The following HS6ST2 variants were observed in gnomAD, a reference collection of about 807,000 sequenced individuals.
The protein encoded by HS6ST2 is heparan-sulfate 6-O-sulfotransferase 2.
Under a neutral mutation model 33.0 loss-of-function variants are expected in HS6ST2, and 17 were observed. The ratio of observed to expected loss-of-function variants is 0.52; its 90% CI spans 0.35 to 0.77. The LOEUF is 0.77. Ranked by LOEUF, HS6ST2 falls within the 30% of genes least tolerant of loss-of-function variation. The pLI is 0.01. For synonymous variants in HS6ST2, 248 were observed against 237.1 expected (o/e 1.05, Z -0.42); for missense variants, 519 against 551.7 (o/e 0.94, Z 0.59).
intron 4 of HS6ST2, among the ~76,000 whole-genome samples, chrX:132,643,456 G>C (rs1422911790): frequency 8.9e-5 from 10 of 112,039 alleles, no homozygotes; most frequent in Non-Finnish European, 5.6e-5. Flanking sequence ...GAACCAATGA[G>C]AGCCACTCAC....
chrX:132,754,077 C>T (rs1452907996), intron 2 of HS6ST2, among the ~76,000 whole-genome samples: 2 of 111,601 alleles, frequency 1.8e-5, no homozygotes, highest in Non-Finnish European at 3.8e-5. Flanking sequence ...CACATTACAT[C>T]TAGTTGTCAC....
chrX:132,731,018 A>G (rs984070368), intron 2 of HS6ST2, among the ~76,000 whole-genome samples: 1 of 111,771 alleles, frequency 8.9e-6, no homozygotes, highest in African/African-American at 3.3e-5. Context: ...GTGGGTACCA[A>G]TGAAAACCCA....
At chrX:132,827,470 T>C (rs1386165213) in intron 2 of HS6ST2, among the ~76,000 whole-genome samples, 1 of 109,210 alleles carries the variant, frequency 9.2e-6, no homozygotes. Context: ...AGGAGGAGGA[T>C]GTGTGTCCTG....
chrX:132,819,990 G>A (rs1023077104), intron 2 of HS6ST2, among the ~76,000 whole-genome samples: 4 of 112,316 alleles, frequency 3.6e-5, no homozygotes, highest in Non-Finnish European at 7.5e-5. Flanking sequence ...CCCACTTCAC[G>A]GGGGTGGGGG....
rs138573682 is a variant in HS6ST2, at chrX:132,821,714, G to A, written c.948-113220C>T. Among the ~76,000 whole-genome samples the A allele has an allele frequency of 3.9e-3, 438 of 111,735 alleles. 3 individuals carry two copies. Among genetic ancestry groups the A allele is most frequent in the African/African-American group, 0.013 (408 of 30,772 alleles). On this transcript the variant is annotated intron_variant, in intron 2 of 4. Coordinates refer to ENST00000370833, the MANE Select transcript of HS6ST2 (RefSeq NM_001394073.1). ...GTACTCAAAAAGCATTTGCTGGCAC[G>A]GCATGGTGGTTCACGCCTATAATTC...
chrX:132,814,811 T>G (rs1208321645), intron 2 of HS6ST2, among the ~76,000 whole-genome samples: 1 of 112,273 alleles, frequency 8.9e-6, no homozygotes, highest in Non-Finnish European at 1.9e-5. Context: ...CATACAACAC[T>G]TAGCCTTTCC....
chrX:132,931,391 C>T (rs1341489123), intron 2 of HS6ST2, among the ~76,000 whole-genome samples: 1 of 111,896 alleles, frequency 8.9e-6, no homozygotes, highest in Admixed American at 9.5e-5. Context: ...TCAACAATGT[C>T]TCCAGTTATA....
At chrX:132,856,757 A>G (rs1039105843) in intron 2 of HS6ST2, among the ~76,000 whole-genome samples, 2 of 112,189 alleles carry the variant, frequency 1.8e-5, no homozygotes, top group Admixed American at 9.5e-5. Flanking sequence ...AAGAAAAACA[A>G]CATCCCCAAA....
intron 4 of HS6ST2, among the ~76,000 whole-genome samples, chrX:132,633,464 A>G (rs1333392750): frequency 9.0e-6 from 1 of 111,319 alleles, no homozygotes; most frequent in African/African-American, 3.3e-5. Flanking sequence ...GGAGGAGCAG[A>G]CTAGAGAAAT....
chrX:132,632,934 G>A (rs2063527811), intron 4 of HS6ST2, among the ~76,000 whole-genome samples: 1 of 109,142 alleles, frequency 9.2e-6, no homozygotes, highest in Non-Finnish European at 1.9e-5. Context: ...AAAATTAGTG[G>A]GCGTGGTGGT....
chrX:132,899,790 A>G (rs2066411296), intron 2 of HS6ST2, among the ~76,000 whole-genome samples: 1 of 112,021 alleles, frequency 8.9e-6, no homozygotes, highest in Admixed American at 9.5e-5. Flanking sequence ...AAACCACACC[A>G]TAGCAAATCA....
intron 2 of HS6ST2, among the ~76,000 whole-genome samples, chrX:132,742,763 G>A (rs2064592732): frequency 8.9e-6 from 1 of 112,380 alleles, no homozygotes; most frequent in Non-Finnish European, 1.9e-5. Context: ...GTGTCACTAC[G>A]TAATTTCCCT....
intron 2 of HS6ST2, among the ~76,000 whole-genome samples, chrX:132,742,701 G>C (rs1006766037): frequency 8.9e-6 from 1 of 112,421 alleles, no homozygotes; most frequent in Non-Finnish European, 1.9e-5. Context: ...ACCGATTTAA[G>C]GAAACAATTA....
chrX:132,708,418 A>T (rs1283380931), intron 3 of HS6ST2, 44 bp downstream of exon 3: 1 of 1,016,135 alleles, frequency 9.8e-7, no homozygotes, highest in Non-Finnish European at 1.3e-6. Context: ...TCTTTTTTCT[A>T]GCTTACTTGG....
intron 2 of HS6ST2, among the ~76,000 whole-genome samples, chrX:132,845,304 C>T (rs890821990): frequency 3.7e-5 from 4 of 109,490 alleles, no homozygotes; most frequent in African/African-American, 1.3e-4. Context: ...ATGTGTGTTG[C>T]ATGTGTGTAT....
chrX:132,753,921 C>T (rs1403025248), intron 2 of HS6ST2, among the ~76,000 whole-genome samples: 1 of 112,376 alleles, frequency 8.9e-6, no homozygotes, highest in African/African-American at 3.2e-5. Context: ...TTCCCATAAG[C>T]CCCACACCCA....
chrX:132,849,800 A>G (rs2065785222), intron 2 of HS6ST2, among the ~76,000 whole-genome samples: 1 of 112,442 alleles, frequency 8.9e-6, no homozygotes, highest in South Asian at 3.7e-4. Context: ...GCTAGAAGAT[A>G]GCAGTGTTAA....
intron 2 of HS6ST2, among the ~76,000 whole-genome samples, chrX:132,741,437 A>T: frequency 2.1e-5 from 1 of 46,815 alleles, no homozygotes; most frequent in South Asian, 8.5e-4. Flanking sequence ...GCACGCCACC[A>T]TGCCTGGCTA....
intron 2 of HS6ST2, among the ~76,000 whole-genome samples, chrX:132,820,191 C>G (rs1163831824): frequency 2.2e-5 from 2 of 90,625 alleles, no homozygotes; most frequent in Non-Finnish European, 4.3e-5. Context: ...AGACTATGCC[C>G]CTTAATGCCA....
Sources: gnomAD v4.1 joint callset for allele counts (sites outside exome capture counted in the v4.1 genomes callset) on GRCh38, gnomAD v4.1.1 for gene constraint, MANE v1.5 for transcripts, NCBI Gene and HGNC (gene_info 2026-07-23, HGNC 2026-07-21) for gene names.